The following TMEM131 variants were observed in gnomAD, a reference collection of about 807,000 sequenced individuals.
TMEM131 encodes transmembrane protein 131.
TMEM131 carries 66 observed loss-of-function variants against 211.6 expected under a neutral mutation model. The ratio of observed to expected loss-of-function variants is 0.31; its 90% CI spans 0.26 to 0.38. The LOEUF (loss-of-function observed/expected upper bound fraction) is 0.38, where lower values mean the gene tolerates loss of function less well. Ranked by LOEUF, TMEM131 falls within the 10% of genes least tolerant of loss-of-function variation. The probability of loss-of-function intolerance (pLI) is 1.00; values close to 1 mark genes in which losing one functional copy is unlikely to be tolerated. For synonymous variants in TMEM131, 844 were observed against 841.3 expected, an observed-to-expected ratio of 1.00 and a Z score of -0.06; for missense variants, 2,036 against 2,299.3, an observed-to-expected ratio of 0.89 and a Z score of 2.34.
At chr2:97,960,894 T>C (rs1261677104) in intron 1 of TMEM131, among the ~76,000 whole-genome samples, 1 of 152,096 alleles carries the variant, frequency 6.6e-6, no homozygotes, top group Admixed American at 6.6e-5. Flanking sequence ...AGTAATGTAT[T>C]TTACCATATT....
chr2:97,949,192 A>G (rs1678186595), intron 1 of TMEM131, among the ~76,000 whole-genome samples: 2 of 152,222 alleles, frequency 1.3e-5, no homozygotes, highest in South Asian at 4.1e-4. Flanking sequence ...GTACTAAAAC[A>G]GTCAAACATG....
intron 5 of TMEM131, among the ~76,000 whole-genome samples, chr2:97,849,172 A>G (rs1031345488): frequency 3.3e-5 from 5 of 152,208 alleles, no homozygotes; most frequent in African/African-American, 1.2e-4. Flanking sequence ...GAGTGCTAAT[A>G]AGGATGTGGA....
intron 26 of TMEM131, 60 bp downstream of exon 26, chr2:97,797,305 C>A: frequency 1.4e-6 from 2 of 1,438,184 alleles, no homozygotes; most frequent in Admixed American, 2.3e-5. Flanking sequence ...CATCTTAAAA[C>A]AAGTGAGGAC....
chr2:97,932,293 C>T (rs1257620621), intron 1 of TMEM131, among the ~76,000 whole-genome samples: 1 of 152,130 alleles, frequency 6.6e-6, no homozygotes, highest in Non-Finnish European at 1.5e-5. Flanking sequence ...CCACATGGGT[C>T]CCTTCGAGCT....
intron 35 of TMEM131, chr2:97,764,773 C>G (rs1679071895): frequency 6.6e-6 from 1 of 152,284 alleles, no homozygotes; most frequent in Non-Finnish European, 1.5e-5. Context: ...TCATCCTTTC[C>G]CCTCCACACA....
chr2:97,949,023 G>A (rs1450323815), intron 1 of TMEM131, among the ~76,000 whole-genome samples: 1 of 152,162 alleles, frequency 6.6e-6, no homozygotes, highest in Non-Finnish European at 1.5e-5. Flanking sequence ...TTGCCCAACT[G>A]AAATGAAACG....
chr2:97,951,234 T>C (rs1678295926), intron 1 of TMEM131, among the ~76,000 whole-genome samples: 1 of 152,206 alleles, frequency 6.6e-6, no homozygotes, highest in South Asian at 2.1e-4. Context: ...TGGTCTACTT[T>C]TGTAGTCTGT....
At chr2:97,888,021 G>A (rs1675230450) in intron 4 of TMEM131, 31 bp downstream of exon 4, 1 of 1,561,630 alleles carries the variant, frequency 6.4e-7, no homozygotes, top group Non-Finnish European at 8.8e-7. Flanking sequence ...TAGTTTAATG[G>A]GAAAGTACAG....
At chr2:97,974,465 C>T (rs1048740041) in intron 1 of TMEM131, among the ~76,000 whole-genome samples, 7 of 151,510 alleles carry the variant, frequency 4.6e-5, no homozygotes, top group African/African-American at 1.7e-4. Flanking sequence ...ATGTCCCAAA[C>T]TTAATGAAAA....
chr2:97,846,574 C>T (rs964089084), intron 5 of TMEM131, among the ~76,000 whole-genome samples: 1 of 152,338 alleles, frequency 6.6e-6, no homozygotes, highest in Admixed American at 6.5e-5. Flanking sequence ...CCTAAAGAAG[C>T]TTGTCCATCC....
rs1469186108 is a variant in TMEM131 at position 97,757,214 on chromosome 2, G to C, written c.5537C>G (p.Ser1846Cys). 1.2e-6 allele frequency: 2 copies of C among 1,613,934 alleles called. No individual in the cohort carries two copies. The highest frequency in any genetic ancestry group is 1.3e-5 in the African/African-American group (1 of 74,930). Residue 1846 changes from serine (S) to cysteine (C), a missense_variant, in exon 41 of 41, where the codon TCC (serine) becomes TGC (cysteine). This residue lies in a region of TMEM131 where 1,623 missense variants were observed against 1,805.9 expected (regional missense o/e 0.90). Coordinates refer to ENST00000186436, the MANE Select transcript of TMEM131 (RefSeq NM_015348.2). The stretch of plus-strand genomic sequence containing the variant: ...CTGTCCCAAGTCGTCAGCTGGACTG[G>C]AGGTGGAGGGAGCGTGAGGAGCAGG... ...NSPAPHAPST[S>C]SPADDLGQTY...
intron 1 of TMEM131, among the ~76,000 whole-genome samples, chr2:97,987,868 TTAAGA>T (rs1218564708): frequency 2.0e-5 from 3 of 152,286 alleles, no homozygotes; most frequent in Admixed American, 6.5e-5. Flanking sequence ...TAAAATACTG[TTAAGA>T]TATCAATACT....
chr2:97,805,496 G>A (rs771097401), intron 20 of TMEM131, 45 bp from the exon 21 acceptor site: 2 of 1,612,850 alleles, frequency 1.2e-6, no homozygotes, highest in East Asian at 4.5e-5. Context: ...ATCCACAGGA[G>A]GTCATAAAAC....
intron 1 of TMEM131, among the ~76,000 whole-genome samples, chr2:97,952,214 C>G (rs1007500091): frequency 6.7e-6 from 1 of 148,386 alleles, no homozygotes; most frequent in Non-Finnish European, 1.5e-5. Flanking sequence ...TAGGCTGAAA[C>G]AAAAAAATGA....
rs746721460 is a variant in TMEM131 at position 97,776,017 on chromosome 2, C to T, written c.4146G>A (p.Gly1382=). 1.3e-6 allele frequency: 2 copies of T among 1,599,572 alleles called. No individual in the cohort carries two copies. Among genetic ancestry groups the T allele is most frequent in the East Asian group, 2.2e-5 (1 of 44,824 alleles). The change falls in exon 32 of 41, where the codon GGG becomes GGA. Residue 1382 remains glycine, a splice_region_variant and synonymous_variant. Transcript: ENST00000186436. The part of the protein sequence containing the change: ...QPPSPLPKSK[G]KGKPLQRKVK... ...CCTTGCGCTGAAGAGGTTTTCCTTT[C>T]CCTGAGGATAAAAATTAAAGTAAAA...
intron 15 of TMEM131, 40 bp downstream of exon 15, chr2:97,813,931 G>A: frequency 1.4e-6 from 2 of 1,448,594 alleles, no homozygotes; most frequent in South Asian, 1.3e-5. Context: ...ATTAAAGGTG[G>A]GCAGGGAGTT....
At chr2:97,931,926 T>C (rs963229105) in intron 1 of TMEM131, among the ~76,000 whole-genome samples, 2 of 152,164 alleles carry the variant, frequency 1.3e-5, no homozygotes, top group Admixed American at 6.5e-5. Flanking sequence ...CCAGTTATCC[T>C]CTATTATATT....
chr2:97,926,438 A>C (rs1676996106), intron 2 of TMEM131, among the ~76,000 whole-genome samples: 1 of 152,228 alleles, frequency 6.6e-6, no homozygotes, highest in African/African-American at 2.4e-5. Context: ...AACACTCTTC[A>C]ACATTAAAAT....
At chr2:97,839,034 G>T (rs1447783645) in intron 7 of TMEM131, among the ~76,000 whole-genome samples, 1 of 152,034 alleles carries the variant, frequency 6.6e-6, no homozygotes, top group Non-Finnish European at 1.5e-5. Flanking sequence ...CTTGAAAACA[G>T]AAGATTAGAC....
Sources: gnomAD v4.1 joint callset for allele counts (sites outside exome capture counted in the v4.1 genomes callset) on GRCh38, gnomAD v4.1.1 for gene constraint, gnomAD v4.1.1 regional missense constraint, MANE v1.5 for transcripts, NCBI Gene and HGNC (gene_info 2026-07-23, HGNC 2026-07-21) for gene names.